Variants in ERG observed in about 807,000 individuals in gnomAD.
ERG encodes the protein ETS transcription factor ERG, also known as transcriptional regulator ERG.
Under a neutral mutation model 55.3 loss-of-function variants are expected in ERG, and 9 were observed. That is an observed-to-expected ratio of 0.16 (90% CI 0.10 to 0.28). The LOEUF (loss-of-function observed/expected upper bound fraction) is 0.28. ERG is among the 10% of genes least tolerant of loss of function. The pLI is 1.00. For missense variants in ERG, 434 were observed against 631.6 expected (o/e 0.69, Z 3.35); for synonymous variants, 223 against 237.3 (o/e 0.94, Z 0.55).
chr21:38,526,654 G>C (rs2059632390), intron 2 of ERG, among the ~76,000 whole-genome samples: 1 of 152,054 alleles, frequency 6.6e-6, no homozygotes, highest in Non-Finnish European at 1.5e-5. Context: ...TTAACTAGAA[G>C]GCTAATCCCC....
chr21:38,569,923 G>C (rs145613653), intron 2 of ERG, among the ~76,000 whole-genome samples: 100 of 152,232 alleles, frequency 6.6e-4, no homozygotes, highest in African/African-American at 2.3e-3. Flanking sequence ...TAGACACTTG[G>C]AGTTTATTTT....
rs1820312167 is a variant in ERG, at chr21:38,560,450, G to T, written c.-41+15212C>A. On this transcript the variant is annotated intron_variant, in intron 2 of 8. Transcript: ENST00000398897. ...GCCTGGTCATTTCTGCCCAACCCGG[G>T]GCCCCTCCAAAGGCAAGCTCTGCTC... Among the ~76,000 whole-genome samples the T allele has an allele frequency of 2.0e-5, 3 of 152,052 alleles. No individual in the cohort carries two copies. In the South Asian group the frequency reaches 6.2e-4, roughly 32 times the overall value.
intron 2 of ERG, chr21:38,575,590 G>T: frequency 9.1e-7 from 1 of 1,097,728 alleles, no homozygotes; most frequent in Non-Finnish European, 1.4e-6. Context: ...TAACTGATAT[G>T]TGGGCTGCTA....
intron 2 of ERG, among the ~76,000 whole-genome samples, chr21:38,509,303 C>T (rs1197060022): frequency 1.3e-5 from 2 of 152,174 alleles, no homozygotes; most frequent in East Asian, 3.8e-4. Context: ...ATCATTCATC[C>T]ATTCATCAAT....
chr21:38,559,084 A>C (rs2146831695), intron 2 of ERG, among the ~76,000 whole-genome samples: 1 of 152,262 alleles, frequency 6.6e-6, no homozygotes, highest in Admixed American at 6.5e-5. Context: ...CCCACAATGA[A>C]AGCAAAAGAG....
At chr21:38,609,816 G>A (rs1012725602) in intron 1 of ERG, among the ~76,000 whole-genome samples, 2 of 152,186 alleles carry the variant, frequency 1.3e-5, no homozygotes, top group Non-Finnish European at 2.9e-5. Context: ...GGCAAGAAAA[G>A]GATCAAATGA....
At chr21:38,660,012 AAGACTG>A (rs953126386) in intron 1 of ERG, among the ~76,000 whole-genome samples, 3 of 152,194 alleles carry the variant, frequency 2.0e-5, no homozygotes, top group Non-Finnish European at 4.4e-5. Context: ...GAAAGGTGAA[AAGACTG>A]AGACTGAGAG....
chr21:38,574,987 C>T lies in ERG; in HGVS notation c.-41+675G>A, dbSNP rs147107167. 5.9e-3 allele frequency among the ~76,000 whole-genome samples: 901 copies of T among 152,210 alleles called. 6 individuals carry two copies. The highest frequency in any genetic ancestry group is 6.8e-3 in the Non-Finnish European group (460 of 68,028). On this transcript the variant is annotated intron_variant, in intron 2 of 8. Transcript: ENST00000398897. Reference sequence around the variant, plus strand: ...TCATTTCCTCCCTGTAGCTATTACCCACATGTATGTGTAGTGTCAAAATAA... The same window carrying T: ...TCATTTCCTCCCTGTAGCTATTACCTACATGTATGTGTAGTGTCAAAATAA...
intron 1 of ERG, among the ~76,000 whole-genome samples, chr21:38,490,157 T>G (rs1174056861): frequency 6.6e-6 from 1 of 152,156 alleles, no homozygotes; most frequent in South Asian, 2.1e-4. Context: ...GAGTTCTTAC[T>G]TTATAATGAA....
chr21:38,572,042 C>T (rs544461242), intron 2 of ERG, among the ~76,000 whole-genome samples: 178 of 152,254 alleles, frequency 1.2e-3, no homozygotes, highest in Non-Finnish European at 2.2e-3. Context: ...TCAAAAGGAA[C>T]CATTCATGTG....
At chr21:38,565,920 A>T (rs2059920133) in intron 2 of ERG, among the ~76,000 whole-genome samples, 1 of 152,216 alleles carries the variant, frequency 6.6e-6, no homozygotes, top group South Asian at 2.1e-4. Context: ...ATCCAAAAAT[A>T]TCACAAATGA....
intron 1 of ERG, among the ~76,000 whole-genome samples, chr21:38,637,385 A>G (rs1301108062): frequency 6.6e-6 from 1 of 152,180 alleles, no homozygotes; most frequent in Non-Finnish European, 1.5e-5. Context: ...TGTTCAAAAT[A>G]GTCTTTCTAC....
At chr21:38,476,529 T>C (rs1387618925) in intron 1 of ERG, among the ~76,000 whole-genome samples, 1 of 152,164 alleles carries the variant, frequency 6.6e-6, no homozygotes, top group African/African-American at 2.4e-5. Flanking sequence ...CCAATGGCCA[T>C]GCAAAAATCA....
At chr21:38,638,484 C>T (rs935491566) in intron 1 of ERG, among the ~76,000 whole-genome samples, 1 of 152,208 alleles carries the variant, frequency 6.6e-6, no homozygotes, top group South Asian at 2.1e-4. Context: ...GCAGATTGAA[C>T]TTGTGGGCTT....
chr21:38,411,129 T>A (rs936742189), intron 3 of ERG, among the ~76,000 whole-genome samples: 1 of 152,158 alleles, frequency 6.6e-6, no homozygotes, highest in Non-Finnish European at 1.5e-5. Flanking sequence ...AGAACTGGCT[T>A]AAATTTGAGC....
chr21:38,404,289 C>T (rs191556136), intron 3 of ERG, among the ~76,000 whole-genome samples: 1 of 152,304 alleles, frequency 6.6e-6, no homozygotes, highest in East Asian at 1.9e-4. Flanking sequence ...TCATAGAGAG[C>T]TGTCAGTTCC....
chr21:38,493,658 C>G (rs1327388258), intron 1 of ERG, among the ~76,000 whole-genome samples: 2 of 152,212 alleles, frequency 1.3e-5, no homozygotes, highest in Admixed American at 1.3e-4. Flanking sequence ...CCTCTGCCCT[C>G]CTCCAGCAGC....
chr21:38,436,541 A>G (rs1017279404), intron 2 of ERG, among the ~76,000 whole-genome samples: 1 of 152,176 alleles, frequency 6.6e-6, no homozygotes, highest in East Asian at 1.9e-4. Flanking sequence ...CAAATGGCCA[A>G]CTTTCACTTT....
At chr21:38,394,810 A>G (rs990889620) in intron 6 of ERG, among the ~76,000 whole-genome samples, 1 of 152,184 alleles carries the variant, frequency 6.6e-6, no homozygotes, top group Admixed American at 6.5e-5. Flanking sequence ...AAAATGGTTG[A>G]AAGAGTTCTA....
Sources: gnomAD v4.1 joint callset for allele counts (sites outside exome capture counted in the v4.1 genomes callset) on GRCh38, gnomAD v4.1.1 for gene constraint, MANE v1.5 for transcripts, NCBI Gene and HGNC (gene_info 2026-07-23, HGNC 2026-07-21) for gene names.